NCAM2: variants seen among roughly 807,000 people sequenced by gnomAD.
NCAM2 encodes neural cell adhesion molecule 2, also known as N-CAM-2.
A neutral mutation model predicts 98.1 loss-of-function variants in NCAM2; 30 were observed. That is an observed-to-expected ratio of 0.31 (90% CI 0.23 to 0.41). The LOEUF (loss-of-function observed/expected upper bound fraction) is 0.41, where lower values mean the gene tolerates loss of function less well. Among genes scored for constraint, NCAM2 ranks in the 10% least tolerant of loss-of-function variants. NCAM2 has a pLI of 1.00. For synonymous variants in NCAM2, 368 were observed against 342.4 expected, an observed-to-expected ratio of 1.07 and a Z score of -0.83; for missense variants, 867 against 1,005.8, an observed-to-expected ratio of 0.86 and a Z score of 1.87.
At chr21:21,023,030 C>T (rs1188314107) in intron 1 of NCAM2, among the ~76,000 whole-genome samples, 2 of 151,994 alleles carry the variant, frequency 1.3e-5, no homozygotes, top group Non-Finnish European at 2.9e-5. Context: ...TGGTCATAGT[C>T]TGAAAGACAT....
At chr21:21,495,521 T>C (rs1987162974) in intron 15 of NCAM2, among the ~76,000 whole-genome samples, 1 of 152,046 alleles carries the variant, frequency 6.6e-6, no homozygotes, top group African/African-American at 2.4e-5. Context: ...TACCATCTTT[T>C]GGAAAATGAT....
chr21:21,190,823 C>T (rs546070475), intron 1 of NCAM2, among the ~76,000 whole-genome samples: 5 of 152,216 alleles, frequency 3.3e-5, no homozygotes, highest in African/African-American at 1.2e-4. Flanking sequence ...ACCTTATAGG[C>T]TCTTTTGAGG....
chr21:21,018,589 A>G (rs1390657938), intron 1 of NCAM2, among the ~76,000 whole-genome samples: 2 of 152,224 alleles, frequency 1.3e-5, no homozygotes, highest in Admixed American at 6.5e-5. Context: ...TCAGTGGTCT[A>G]TCATCGTGTC....
chr21:21,210,967 A>AACACACACACACACACACACAC (rs71195310), intron 1 of NCAM2, among the ~76,000 whole-genome samples: 2 of 127,336 alleles, frequency 1.6e-5, no homozygotes, highest in African/African-American at 6.5e-5. Flanking sequence ...ACTCTCCCCA[A>AACACACACACACACACACACAC]ACACACACAC....
chr21:21,121,342 C>G (rs1172511326), intron 1 of NCAM2, among the ~76,000 whole-genome samples: 2 of 152,076 alleles, frequency 1.3e-5, no homozygotes, highest in African/African-American at 4.8e-5. Context: ...AAGACAGTAC[C>G]ATAATCTCTG....
chr21:21,422,734 C>T (rs935713922), intron 11 of NCAM2, among the ~76,000 whole-genome samples: 3 of 152,032 alleles, frequency 2.0e-5, no homozygotes, highest in Non-Finnish European at 2.9e-5. Context: ...CAGACAAATA[C>T]GTATATATTT....
intron 10 of NCAM2, among the ~76,000 whole-genome samples, chr21:21,412,418 G>T (rs2847461): frequency 0.27 from 41,674 of 152,052 alleles, 5,922 homozygotes; most frequent in East Asian, 0.32. Flanking sequence ...GAGGCGGGCA[G>T]TTCAGTCCAT....
intron 6 of NCAM2, among the ~76,000 whole-genome samples, chr21:21,331,418 G>T (rs767023379): frequency 7.3e-6 from 1 of 137,574 alleles, no homozygotes; most frequent in Non-Finnish European, 1.6e-5. Flanking sequence ...GGATACAGGA[G>T]TGAGCCACTG....
chr21:21,030,596 C>T (rs2064660053), intron 1 of NCAM2, among the ~76,000 whole-genome samples: 1 of 152,180 alleles, frequency 6.6e-6, no homozygotes, highest in East Asian at 1.9e-4. Context: ...GCAACATTCA[C>T]ATGCTCCAGG....
intron 1 of NCAM2, among the ~76,000 whole-genome samples, chr21:21,255,517 A>C (rs1204916934): frequency 3.3e-5 from 5 of 152,054 alleles, no homozygotes; most frequent in Non-Finnish European, 7.4e-5. Flanking sequence ...CTGTGATGGG[A>C]GCCTTTTGGA....
At chr21:21,107,729 A>C (rs1001033995) in intron 1 of NCAM2, among the ~76,000 whole-genome samples, 10 of 152,162 alleles carry the variant, frequency 6.6e-5, no homozygotes, top group African/African-American at 2.4e-4. Flanking sequence ...TTGGACAGTA[A>C]GAAAGAGCAA....
intron 10 of NCAM2, among the ~76,000 whole-genome samples, chr21:21,412,797 A>T (rs1308936564): frequency 6.6e-6 from 1 of 152,196 alleles, no homozygotes; most frequent in Admixed American, 6.5e-5. Context: ...AAAACATAGC[A>T]TAACAAAATA....
intron 7 of NCAM2, 104 bp downstream of exon 7, chr21:21,335,769 T>G: frequency 1.1e-6 from 1 of 949,010 alleles, no homozygotes; most frequent in Non-Finnish European, 1.4e-6. Context: ...ATATTAAATC[T>G]GTTTCCTCTT....
intron 8 of NCAM2, among the ~76,000 whole-genome samples, chr21:21,346,208 C>CAAAAAAAAAAAAAAAAA (rs57663409): frequency 8.9e-6 from 1 of 112,530 alleles, no homozygotes; most frequent in African/African-American, 3.1e-5. Context: ...CAACTGAAAC[C>CAAAAAAAAAAAAAAAAA]AAAAAAAAAA....
chr21:21,194,627 G>A (rs1032966918), intron 1 of NCAM2, among the ~76,000 whole-genome samples: 1 of 151,930 alleles, frequency 6.6e-6, no homozygotes, highest in Admixed American at 6.6e-5. Flanking sequence ...GGCAGCTATG[G>A]TATTAAATAT....
intron 12 of NCAM2, among the ~76,000 whole-genome samples, chr21:21,448,411 A>G (rs1282316603): frequency 6.6e-6 from 1 of 152,002 alleles, no homozygotes; most frequent in East Asian, 1.9e-4. Context: ...GGGCAAAAGG[A>G]GGGAACTTAG....
At chr21:21,185,754 T>C (rs1163762044) in intron 1 of NCAM2, among the ~76,000 whole-genome samples, 1 of 152,158 alleles carries the variant, frequency 6.6e-6, no homozygotes, top group Non-Finnish European at 1.5e-5. Context: ...GGTGAGTGTA[T>C]TGTATCATGT....
At chr21:21,083,344 T>C (rs936838593) in intron 1 of NCAM2, among the ~76,000 whole-genome samples, 2 of 152,194 alleles carry the variant, frequency 1.3e-5, no homozygotes, top group East Asian at 3.9e-4. Flanking sequence ...AAACTGAAGT[T>C]CAAATTGTTG....
At chr21:21,080,669 AAAAAAAAAAAAC>A (rs1477859853) in intron 1 of NCAM2, among the ~76,000 whole-genome samples, 1 of 146,140 alleles carries the variant, frequency 6.8e-6, no homozygotes, top group African/African-American at 2.6e-5. Flanking sequence ...AAAAAAAAAA[AAAAAAAAAAAAC>A]CAACATTGAT....
Sources: gnomAD v4.1 joint callset for allele counts (sites outside exome capture counted in the v4.1 genomes callset) on GRCh38, gnomAD v4.1.1 for gene constraint, MANE v1.5 for transcripts, NCBI Gene and HGNC (gene_info 2026-07-23, HGNC 2026-07-21) for gene names.